NOX3: variants seen among roughly 807,000 people sequenced by gnomAD.
NOX3 encodes the protein NADPH oxidase 3.
NOX3 carries 74 observed loss-of-function variants against 76.7 expected under a neutral mutation model. That is an observed-to-expected ratio of 0.96 (90% CI 0.80 to 1.17). NOX3 has a LOEUF of 1.17. Ranked by LOEUF, NOX3 falls within the 50% of genes most tolerant of loss-of-function variation. The probability of loss-of-function intolerance (pLI) is 0.00; values close to 1 mark genes in which losing one functional copy is unlikely to be tolerated. For missense variants in NOX3, 695 were observed against 703.3 expected, an observed-to-expected ratio of 0.99 and a Z score of 0.13; for synonymous variants, 263 against 261.1, an observed-to-expected ratio of 1.01 and a Z score of -0.07.
chr6:155,420,605 A>G (rs534779941), intron 10 of NOX3, among the ~76,000 whole-genome samples: 53 of 152,306 alleles, frequency 3.5e-4, no homozygotes, highest in African/African-American at 1.3e-3. Flanking sequence ...CCTCATCAGT[A>G]TTGAGAATAT....
chr6:155,429,053 T>C lies in NOX3; in HGVS notation c.892-6A>G. 6.4e-7 allele frequency: 1 copy of C among 1,554,314 alleles called. No homozygotes were observed. Among genetic ancestry groups the C allele is most frequent in the Non-Finnish European group, 8.7e-7 (1 of 1,143,582 alleles). On this transcript the variant is annotated splice_region_variant and splice_polypyrimidine_tract_variant and intron_variant, in intron 8 of 13. Transcript: ENST00000159060. ...CCAGAGGGGTGGCTTACCACCTATG[T>C]GAGAGTGAGAGAGTTGTTTGCCTTT...
chr6:155,454,895 G>A lies in NOX3; in HGVS notation c.171C>T (p.Ser57=), dbSNP rs763052363. The change falls in exon 3 of 14, where the codon TCC becomes TCT. Residue 57 remains serine, a synonymous_variant. Coordinates refer to ENST00000159060, the MANE Select transcript of NOX3 (RefSeq NM_015718.3). ...LGSTLAWARA[S]ALCLNFNCML... is the part of the protein sequence containing the mutation. ...TGCAGTTAAAATTCAGGCACAGTGC[G>A]GATGCTCGTGCCCAAGCCAGTGTTG... 37 of 1,611,066 alleles carry A rather than the reference G, an allele frequency of 2.3e-5. No homozygotes were observed. The highest frequency in any genetic ancestry group is 2.3e-4 in the African/African-American group (17 of 74,714).
At chr6:155,408,046 T>C (rs574076363) in intron 11 of NOX3, among the ~76,000 whole-genome samples, 131 of 152,320 alleles carry the variant, frequency 8.6e-4, no homozygotes, top group African/African-American at 3.1e-3. Context: ...TGGCGTGATC[T>C]CGGTTCACTG....
At chr6:155,429,289 A>G (rs1776800658) in intron 8 of NOX3, among the ~76,000 whole-genome samples, 1 of 152,206 alleles carries the variant, frequency 6.6e-6, no homozygotes, top group Non-Finnish European at 1.5e-5. Flanking sequence ...CCCAGGTGCA[A>G]TTGGTGCCCA....
chr6:155,423,583 T>C (rs753442044), intron 9 of NOX3, among the ~76,000 whole-genome samples: 2 of 152,156 alleles, frequency 1.3e-5, no homozygotes, highest in African/African-American at 2.4e-5. Flanking sequence ...GTCCCTGAGT[T>C]CTTTTCCATC....
At position 155,422,840 on chromosome 6, in the gene NOX3, G is replaced by T; in HGVS notation, c.1162C>A (p.Pro388Thr). The change falls in exon 10 of 14, where the codon CCC (proline) becomes ACC (threonine). Residue 388 changes from proline (P) to threonine (T), a missense_variant. By Grantham distance (38) the Pro-to-Thr change is conservative. Transcript: ENST00000159060. The stretch of plus-strand genomic sequence containing the variant: ...ACATCTGTCAGGGCAGTTCCAAAGG[G>T]CCCGTCCACTGCCAGCCTGGAATCA... ...WSLPRLAVDG[P>T]FGTALTDVFH... 6.2e-7 allele frequency: 1 copy of T among 1,614,160 alleles called. No homozygotes were observed. Among genetic ancestry groups the T allele is most frequent in the Non-Finnish European group, 8.5e-7 (1 of 1,180,006 alleles).
At chr6:155,447,222 A>C (rs1777076756) in intron 4 of NOX3, among the ~76,000 whole-genome samples, 1 of 152,020 alleles carries the variant, frequency 6.6e-6, no homozygotes, top group African/African-American at 2.4e-5. Context: ...TTTTTAGTAG[A>C]GATGGGGTTT....
intron 10 of NOX3, among the ~76,000 whole-genome samples, chr6:155,417,690 A>G (rs1776638015): frequency 6.6e-6 from 1 of 152,206 alleles, no homozygotes; most frequent in South Asian, 2.1e-4. Context: ...GTGAAAGTAA[A>G]TAATTTCTCA....
intron 9 of NOX3, among the ~76,000 whole-genome samples, chr6:155,426,801 G>C (rs1397696570): frequency 6.6e-6 from 1 of 152,196 alleles, no homozygotes; most frequent in Non-Finnish European, 1.5e-5. Context: ...TGAGTAACCA[G>C]TACTGAGTTC....
chr6:155,402,364 G>A (rs536346935), intron 12 of NOX3, among the ~76,000 whole-genome samples: 1 of 152,208 alleles, frequency 6.6e-6, no homozygotes, highest in African/African-American at 2.4e-5. Flanking sequence ...TCAATAAAAG[G>A]CTTATAATGC....
At position 155,454,873 on chromosome 6, in the gene NOX3, A is replaced by G. The variant is rs770499277; in HGVS notation, c.193T>C (p.Cys65Arg). The G allele has an allele frequency of 2.7e-5, 44 of 1,610,550 alleles. No individual in the cohort carries two copies. The highest frequency in any genetic ancestry group is 1.0e-5 in the Non-Finnish European group (12 of 1,179,278). Residue 65 changes from cysteine (C) to arginine (R), a missense_variant, in exon 3 of 14, where the codon TGC becomes CGC. Coordinates refer to ENST00000159060, the MANE Select transcript of NOX3 (RefSeq NM_015718.3). ...RASALCLNFN[C>R]MLILIPVSRN... ...CTGACAGGTATTAGAATTAGCATGC[A>G]GTTAAAATTCAGGCACAGTGCGGAT...
rs761416435 is a variant in NOX3 at position 155,396,815 on chromosome 6, C to A, written c.*21G>T. 79 of 1,601,242 alleles carry A rather than the reference C, an allele frequency of 4.9e-5. No homozygotes were observed. Among genetic ancestry groups the A allele is most frequent in the Non-Finnish European group, 6.0e-5 (70 of 1,173,444 alleles). On this transcript the variant is annotated 3_prime_UTR_variant, in exon 13 of 14. Transcript: ENST00000159060. ...TATGATTGCAGCCACTTACACAATG[C>A]CTGGACTTGACCTCCAAAGTCTAGA...
chr6:155,437,533 T>G (rs945552277), intron 6 of NOX3, among the ~76,000 whole-genome samples: 2 of 152,170 alleles, frequency 1.3e-5, no homozygotes, highest in African/African-American at 4.8e-5. Context: ...TTTGTCCCAG[T>G]CTGTTTTATG....
chr6:155,422,018 C>T (rs77538883), intron 10 of NOX3, among the ~76,000 whole-genome samples: 2,262 of 152,272 alleles, frequency 0.015, 73 homozygotes, highest in African/African-American at 0.052. Flanking sequence ...ATATGCAGGA[C>T]GGCCCAGCAC....
intron 7 of NOX3, among the ~76,000 whole-genome samples, chr6:155,433,622 G>A (rs191088743): frequency 2.0e-5 from 3 of 149,434 alleles, no homozygotes; most frequent in South Asian, 2.1e-4. Flanking sequence ...TAAGTAGAAC[G>A]TTGGGGCTAT....
At chr6:155,443,907 G>A (rs1010099082) in intron 4 of NOX3, among the ~76,000 whole-genome samples, 4 of 151,754 alleles carry the variant, frequency 2.6e-5, no homozygotes, top group Non-Finnish European at 4.4e-5. Flanking sequence ...ATAATTTAAA[G>A]TGTATAGTTA....
intron 12 of NOX3, among the ~76,000 whole-genome samples, chr6:155,397,970 G>C (rs1255848408): frequency 2.0e-5 from 3 of 152,154 alleles, no homozygotes; most frequent in African/African-American, 7.2e-5. Context: ...CAAATGCCTT[G>C]CAACTTAGCC....
chr6:155,414,664 G>T (rs1582931450), intron 10 of NOX3, among the ~76,000 whole-genome samples: 2 of 109,038 alleles, frequency 1.8e-5, no homozygotes, highest in Middle Eastern at 0.011. Flanking sequence ...GTCTCTCTCT[G>T]TTGCCCAGGC....
chr6:155,411,175 G>A lies in NOX3; in HGVS notation c.1455+39C>T, dbSNP rs577161406. 1.9e-6 allele frequency: 3 copies of A among 1,587,778 alleles called. No homozygotes were observed. In the South Asian group the frequency reaches 3.4e-5, roughly 18 times the overall value. ...ATTGTTCCTCATTGCTATTAGATGAGTTCAGCAATATTGCTTATTCTCAGA... is the reference window on the plus strand; with the variant it reads ...ATTGTTCCTCATTGCTATTAGATGAATTCAGCAATATTGCTTATTCTCAGA... On this transcript the variant is annotated intron_variant, in intron 11 of 13. Transcript: ENST00000159060.
Sources: allele counts gnomAD v4.1 joint callset (sites outside exome capture counted in the v4.1 genomes callset), GRCh38; gene constraint gnomAD v4.1.1; transcripts MANE v1.5; gene names NCBI Gene and HGNC (gene_info 2026-07-23, HGNC 2026-07-21).